The following DCHS2 variants were observed in gnomAD, a reference collection of about 807,000 sequenced individuals.
The protein encoded by DCHS2 is dachsous cadherin-related 2, also known as protocadherin-23.
A neutral mutation model predicts 182.4 loss-of-function variants in DCHS2; 142 were observed. That is an observed-to-expected ratio of 0.78 (90% CI 0.68 to 0.89). The LOEUF is 0.89. Among genes scored for constraint, DCHS2 ranks in the 40% least tolerant of loss-of-function variants. DCHS2 has a pLI of 0.00. For synonymous variants in DCHS2, 1,740 were observed against 1,663.3 expected (o/e 1.05, Z -1.12); for missense variants, 4,319 against 4,198.6 (o/e 1.03, Z -0.79).
At chr4:154,464,895 G>A (rs946120308) in intron 1 of DCHS2, among the ~76,000 whole-genome samples, 2 of 152,106 alleles carry the variant, frequency 1.3e-5, no homozygotes, top group African/African-American at 4.8e-5. Flanking sequence ...TTGCAACTCA[G>A]CTTTGAATTA....
chr4:154,399,919 T>C (rs1306661141), intron 1 of DCHS2, among the ~76,000 whole-genome samples: 5 of 152,274 alleles, frequency 3.3e-5, no homozygotes, highest in East Asian at 1.9e-4. Context: ...CATAAATCCA[T>C]AGGGCATTTC....
At chr4:154,294,403 G>T (rs766811412) in intron 13 of DCHS2, among the ~76,000 whole-genome samples, 8 of 152,170 alleles carry the variant, frequency 5.3e-5, no homozygotes, top group Non-Finnish European at 1.0e-4. Flanking sequence ...GTTTTAAACA[G>T]TACAGCTGAT....
At chr4:154,327,567 T>C (rs1446981832) in intron 7 of DCHS2, among the ~76,000 whole-genome samples, 1 of 152,000 alleles carries the variant, frequency 6.6e-6, no homozygotes, top group Non-Finnish European at 1.5e-5. Context: ...CCAATTAAAG[T>C]AAATAACTGG....
At chr4:154,467,668 T>A (rs938271854) in intron 1 of DCHS2, among the ~76,000 whole-genome samples, 1 of 152,164 alleles carries the variant, frequency 6.6e-6, no homozygotes, top group African/African-American at 2.4e-5. Flanking sequence ...AAAAATGGAA[T>A]GAAAATAGAT....
In DCHS2 at chr4:154,491,523, A is replaced by G; in HGVS notation, c.-168T>C. 2 of 1,399,326 alleles carry G rather than the reference A, an allele frequency of 1.4e-6. No homozygotes were observed. The highest frequency in any genetic ancestry group is 3.5e-5 in the South Asian group (2 of 57,420). 86.7% of individuals were successfully genotyped at this position (1,399,326 alleles called of 1,614,324 possible). The stretch of plus-strand genomic sequence containing the variant: ...CGAGGTTACATCTGCAACTGGTGAA[A>G]GCGTCCTCTGCCTGCAGCTCACGCA... On this transcript the variant is annotated 5_prime_UTR_variant, in exon 1 of 20. Transcript: ENST00000357232.
chr4:154,341,243 C>T lies in DCHS2; in HGVS notation c.2477-6139G>A, dbSNP rs184685103. ...AATTAGCCGGGCGTGGTGGCGGGCG[C>T]CTGCAGACCCAGCTATTTGGGAGGC... On this transcript the variant is annotated intron_variant, in intron 3 of 19. Transcript: ENST00000357232. Among the ~76,000 whole-genome samples, 85 of 151,958 alleles carry T rather than the reference C, an allele frequency of 5.6e-4. 1 individual carries two copies. In the East Asian group the frequency reaches 0.015, roughly 26 times the overall value.
intron 1 of DCHS2, among the ~76,000 whole-genome samples, chr4:154,484,570 A>G (rs1044106021): frequency 3.9e-5 from 6 of 152,234 alleles, no homozygotes; most frequent in Admixed American, 3.3e-4. Context: ...ACTTCCGATT[A>G]TATTTACCTG....
At chr4:154,366,173 A>T (rs1254516987) in intron 3 of DCHS2, 37 bp downstream of exon 3, 8 of 1,559,284 alleles carry the variant, frequency 5.1e-6, no homozygotes, top group Non-Finnish European at 6.2e-6. Flanking sequence ...CAGAAACTTT[A>T]TAGCCAAAGG....
At chr4:154,361,724 GA>G (rs1309684783) in intron 3 of DCHS2, among the ~76,000 whole-genome samples, 1 of 151,996 alleles carries the variant, frequency 6.6e-6, no homozygotes, top group African/African-American at 2.4e-5. Flanking sequence ...ACCCACAAGA[GA>G]AAACAACCAT....
intron 18 of DCHS2, among the ~76,000 whole-genome samples, chr4:154,239,842 G>GT (rs1356576479): frequency 2.0e-5 from 3 of 151,808 alleles, no homozygotes; most frequent in Non-Finnish European, 2.9e-5. Context: ...ATTTTATTCA[G>GT]TTTTTTTTAC....
At chr4:154,295,204 T>C (rs1344480668) in intron 13 of DCHS2, among the ~76,000 whole-genome samples, 2 of 152,242 alleles carry the variant, frequency 1.3e-5, no homozygotes, top group Non-Finnish European at 2.9e-5. Context: ...AGATAAAAAC[T>C]GCTTTGTGAA....
chr4:154,475,250 G>A (rs1208834760), intron 1 of DCHS2, among the ~76,000 whole-genome samples: 1 of 151,944 alleles, frequency 6.6e-6, no homozygotes, highest in Non-Finnish European at 1.5e-5. Context: ...ATCAGAAAGG[G>A]GCAAAACTGT....
intron 1 of DCHS2, among the ~76,000 whole-genome samples, chr4:154,404,567 A>G (rs1007656464): frequency 2.0e-5 from 3 of 152,122 alleles, no homozygotes; most frequent in Non-Finnish European, 4.4e-5. Flanking sequence ...ATATTCTTGG[A>G]TTTTTTGTTT....
chr4:154,453,308 C>T (rs1305748067), intron 1 of DCHS2, among the ~76,000 whole-genome samples: 2 of 135,164 alleles, frequency 1.5e-5, no homozygotes, highest in Non-Finnish European at 3.1e-5. Flanking sequence ...CTATTGCATC[C>T]TAGATGTGAA....
In DCHS2 at chr4:154,489,695, G is replaced by A; in HGVS notation, c.1661C>T (p.Pro554Leu). 1.3e-6 allele frequency: 2 copies of A among 1,551,698 alleles called. No homozygotes were observed. The highest frequency in any genetic ancestry group is 1.7e-6 in the Non-Finnish European group (2 of 1,146,980). Residue 554 changes from proline to leucine, a missense_variant, in exon 1 of 20, where the codon CCT becomes CTT. Pro to Leu is a moderately conservative substitution (Grantham distance 98). Coordinates refer to ENST00000357232, the MANE Select transcript of DCHS2 (RefSeq NM_001358235.2). ...YKASVSEAAAPGTVVMWVSAS... is the reference protein window; with the variant it reads ...YKASVSEAAALGTVVMWVSAS... ...GCTGACCCACATGACTACAGTGCCAGGGGCCGCGGCCTCGGACACTGAGGC... is the reference window on the plus strand; with the variant it reads ...GCTGACCCACATGACTACAGTGCCAAGGGCCGCGGCCTCGGACACTGAGGC...
At chr4:154,270,615 C>CT (rs1463956047) in intron 13 of DCHS2, among the ~76,000 whole-genome samples, 1 of 151,566 alleles carries the variant, frequency 6.6e-6, no homozygotes, top group Admixed American at 6.6e-5. Flanking sequence ...ATATGATTTG[C>CT]TTTTTAAAAA....
intron 1 of DCHS2, among the ~76,000 whole-genome samples, chr4:154,469,174 G>A (rs1260535115): frequency 1.3e-5 from 2 of 151,962 alleles, no homozygotes; most frequent in African/African-American, 4.8e-5. Flanking sequence ...TGTTTATTGG[G>A]GTCAAGGGAG....
At chr4:154,296,272 C>T (rs1734919841) in intron 13 of DCHS2, among the ~76,000 whole-genome samples, 1 of 152,098 alleles carries the variant, frequency 6.6e-6, no homozygotes, top group African/African-American at 2.4e-5. Flanking sequence ...TTATCCTTAA[C>T]TTTTAAAGAG....
At chr4:154,282,421 T>C (rs111556016) in intron 13 of DCHS2, among the ~76,000 whole-genome samples, 1,912 of 152,038 alleles carry the variant, frequency 0.013, 46 homozygotes, top group African/African-American at 0.044. Flanking sequence ...GTCAATATCA[T>C]TAAATATCAG....
Sources: gnomAD v4.1 joint callset for allele counts (sites outside exome capture counted in the v4.1 genomes callset) on GRCh38, gnomAD v4.1.1 for gene constraint, MANE v1.5 for transcripts, NCBI Gene and HGNC (gene_info 2026-07-23, HGNC 2026-07-21) for gene names.